CACNA2D1: variants seen among roughly 807,000 people sequenced by gnomAD.
The protein encoded by CACNA2D1 is calcium voltage-gated channel auxiliary subunit alpha2delta 1.
CACNA2D1 carries 53 observed loss-of-function variants against 171.5 expected under a neutral mutation model. That is an observed-to-expected ratio of 0.31 (90% CI 0.25 to 0.39). CACNA2D1 has a LOEUF of 0.39. CACNA2D1 is among the 10% of genes least tolerant of loss of function. The pLI is 1.00. For missense variants in CACNA2D1, 903 were observed against 1,299.8 expected, an observed-to-expected ratio of 0.69 and a Z score of 4.69; for synonymous variants, 442 against 443.1, an observed-to-expected ratio of 1.00 and a Z score of 0.03.
intron 38 of CACNA2D1, among the ~76,000 whole-genome samples, chr7:81,951,640 A>G (rs1476329097): frequency 6.6e-6 from 1 of 151,682 alleles, no homozygotes; most frequent in African/African-American, 2.4e-5. Context: ...ATGGTCTCCA[A>G]CTCCATCTAG....
chr7:82,244,502 A>T (rs954920631), intron 3 of CACNA2D1, among the ~76,000 whole-genome samples: 1 of 152,174 alleles, frequency 6.6e-6, no homozygotes, highest in Middle Eastern at 3.2e-3. Flanking sequence ...AACAGTGCTA[A>T]CCTGTGTTAA....
chr7:82,164,746 G>A (rs926422893), intron 4 of CACNA2D1, among the ~76,000 whole-genome samples: 2 of 151,918 alleles, frequency 1.3e-5, no homozygotes, highest in Non-Finnish European at 2.9e-5. Flanking sequence ...ATGGAAATAC[G>A]TATATGGAGT....
At position 82,001,883 on chromosome 7, in the gene CACNA2D1, T is replaced by C. The variant is rs1052436886; in HGVS notation, c.1590+3540A>G. Among the ~76,000 whole-genome samples the C allele has an allele frequency of 6.6e-5, 10 of 152,102 alleles. No individual in the cohort carries two copies. In the South Asian group the frequency reaches 2.1e-3, roughly 32 times the overall value. ...AGTTCATGAGTCAATAAAATAAGAA[T>C]GTAAAAATATCTTCAATGAATACAA... is the stretch of plus-strand genomic sequence containing the variant. On this transcript the variant is annotated intron_variant, in intron 18 of 38. Coordinates refer to ENST00000356860, the MANE Select transcript of CACNA2D1 (RefSeq NM_000722.4).
intron 3 of CACNA2D1, among the ~76,000 whole-genome samples, chr7:82,192,147 T>A (rs1798361455): frequency 6.6e-6 from 1 of 151,026 alleles, no homozygotes; most frequent in South Asian, 2.1e-4. Context: ...AAATTTAATG[T>A]AAAGAAACAG....
intron 3 of CACNA2D1, among the ~76,000 whole-genome samples, chr7:82,266,872 TAAG>T (rs764875726): frequency 9.9e-5 from 15 of 152,186 alleles, no homozygotes; most frequent in Admixed American, 1.3e-4. Context: ...AGCTAAATTG[TAAG>T]AAGAACTGTA....
intron 1 of CACNA2D1, among the ~76,000 whole-genome samples, chr7:82,358,537 A>T (rs1480497699): frequency 6.6e-6 from 1 of 152,162 alleles, no homozygotes; most frequent in Non-Finnish European, 1.5e-5. Flanking sequence ...TTTTGACTAG[A>T]GTAATCCTGT....
In CACNA2D1 at chr7:82,055,930, G is replaced by GTATATATATATATATA. The variant is rs58786082; in HGVS notation, c.879+4482_879+4497dup. ...AAGTATAATAAATATGTGTGTGTGTGTATATATATATATATATAATTTTTT... is the reference window on the plus strand; with the variant it reads ...AAGTATAATAAATATGTGTGTGTGTGTATATATATATATATATATATATATATATATATAATTTTTT... On this transcript the variant is annotated intron_variant, in intron 10 of 38. Coordinates refer to ENST00000356860, the MANE Select transcript of CACNA2D1 (RefSeq NM_000722.4). 1.6e-3 allele frequency among the ~76,000 whole-genome samples: 175 copies of GTATATATATATATATA among 111,444 alleles called. 1 individual carries two copies. The highest frequency in any genetic ancestry group is 3.7e-3 in the African/African-American group (104 of 28,066). 73.1% of individuals were successfully genotyped at this position (111,444 alleles called of 152,430 possible).
At chr7:82,267,821 C>T (rs38566) in intron 3 of CACNA2D1, among the ~76,000 whole-genome samples, 111,068 of 151,860 alleles carry the variant, frequency 0.73, 41,608 homozygotes, top group African/African-American at 0.89. Flanking sequence ...GGTGAAACCC[C>T]GTCTCTACTA....
chr7:82,294,125 T>C (rs2299169), intron 3 of CACNA2D1, among the ~76,000 whole-genome samples: 25,405 of 152,098 alleles, frequency 0.17, 2,326 homozygotes, highest in Middle Eastern at 0.28. Context: ...CAAGCCACCA[T>C]GCTTAATCAA....
intron 31 of CACNA2D1, 110 bp from the exon 32 acceptor site, chr7:81,965,775 T>C: frequency 1.4e-6 from 1 of 736,678 alleles, no homozygotes; most frequent in Non-Finnish European, 2.5e-6. Flanking sequence ...AAATTTTAAA[T>C]GCCTATCTTC....
At position 82,127,114 on chromosome 7, in the gene CACNA2D1, T is replaced by A. The variant is rs1258373702; in HGVS notation, c.396+9521A>T. Among the ~76,000 whole-genome samples the A allele has an allele frequency of 5.3e-5, 8 of 152,368 alleles. No individual in the cohort carries two copies. The East Asian group carries it at 1.5e-3, about 29-fold the overall frequency. On this transcript the variant is annotated intron_variant, in intron 5 of 38. Transcript: ENST00000356860. Reference sequence around the variant, plus strand: ...TGCACTGCTTATTCTCCAATTTCAATTAATTTTGGACCTAGGGAAACTACA... The same window carrying A: ...TGCACTGCTTATTCTCCAATTTCAAATAATTTTGGACCTAGGGAAACTACA...
intron 10 of CACNA2D1, among the ~76,000 whole-genome samples, chr7:82,046,114 G>A (rs1804523319): frequency 6.6e-6 from 1 of 151,896 alleles, no homozygotes; most frequent in African/African-American, 2.4e-5. Context: ...TTTCATTCCA[G>A]GAAAAATTAT....
At chr7:82,079,749 C>T (rs1232849961) in intron 7 of CACNA2D1, among the ~76,000 whole-genome samples, 4 of 150,284 alleles carry the variant, frequency 2.7e-5, no homozygotes, top group Middle Eastern at 3.3e-3. Context: ...TGGCGGTTAC[C>T]AAAGACTGGG....
chr7:81,964,692 A>C (rs1298761043), intron 32 of CACNA2D1, among the ~76,000 whole-genome samples: 1 of 151,946 alleles, frequency 6.6e-6, no homozygotes, highest in Non-Finnish European at 1.5e-5. Context: ...GGTACAAAGA[A>C]GCAGTTATGT....
At chr7:82,217,515 T>G (rs1047092647) in intron 3 of CACNA2D1, among the ~76,000 whole-genome samples, 17 of 146,618 alleles carry the variant, frequency 1.2e-4, no homozygotes, top group Middle Eastern at 3.5e-3. Context: ...AACTAAAAAG[T>G]TTTTTTTTAA....
intron 3 of CACNA2D1, among the ~76,000 whole-genome samples, chr7:82,295,869 ACAATGATAGACTGGAT>A (rs1812213388): frequency 6.6e-6 from 1 of 152,102 alleles, no homozygotes; most frequent in Non-Finnish European, 1.5e-5. Context: ...CAAATGTCCA[ACAATGATAGACTGGAT>A]TAAGAAAATG....
intron 3 of CACNA2D1, among the ~76,000 whole-genome samples, chr7:82,272,282 T>C (rs980107409): frequency 6.6e-6 from 1 of 152,190 alleles, no homozygotes; most frequent in African/African-American, 2.4e-5. Flanking sequence ...GGTAGTCCAG[T>C]GGCGGCATCA....
chr7:82,061,367 G>T (rs1296029497), intron 9 of CACNA2D1, among the ~76,000 whole-genome samples: 1 of 151,888 alleles, frequency 6.6e-6, no homozygotes, highest in East Asian at 1.9e-4. Flanking sequence ...CTCCTCTCTG[G>T]CTCAGTCTTC....
chr7:82,175,355 G>A (rs1296974301), intron 3 of CACNA2D1, among the ~76,000 whole-genome samples: 2 of 151,888 alleles, frequency 1.3e-5, no homozygotes, highest in Non-Finnish European at 2.9e-5. Context: ...AAAGGTAATA[G>A]AGATCTACAA....
Sources: allele counts gnomAD v4.1 joint callset (sites outside exome capture counted in the v4.1 genomes callset), GRCh38; gene constraint gnomAD v4.1.1; transcripts MANE v1.5; gene names NCBI Gene and HGNC (gene_info 2026-07-23, HGNC 2026-07-21).